The following HELB variants were observed in gnomAD, a reference collection of about 807,000 sequenced individuals.
HELB encodes DNA 5'-3' helicase B.
In HELB, 96 loss-of-function variants were observed where a neutral mutation model predicts 101.7. The observed-to-expected ratio is 0.94, with a 90% CI of 0.80 to 1.12. The LOEUF (loss-of-function observed/expected upper bound fraction) is 1.12. HELB is among the 50% of genes most tolerant of loss of function. HELB has a pLI of 0.00. For missense variants in HELB, 1,210 were observed against 1,291.9 expected (o/e 0.94, Z 0.97); for synonymous variants, 437 against 459.7 (o/e 0.95, Z 0.63).
At chr12:66,318,886 G>T in intron 7 of HELB, 94 bp downstream of exon 7, 1 of 934,380 alleles carries the variant, frequency 1.1e-6, no homozygotes, top group South Asian at 1.7e-5. Context: ...TTTCTTTAAT[G>T]GTAAAGAGAA....
intron 3 of HELB, among the ~76,000 whole-genome samples, chr12:66,308,663 A>G (rs2053506249): frequency 6.6e-6 from 1 of 152,138 alleles, no homozygotes; most frequent in Admixed American, 6.6e-5. Flanking sequence ...ATCTCTTATT[A>G]GTTCTTCACA....
downstream of HELB, chr12:66,342,935 A>G (rs191222303): frequency 1.3e-3 from 204 of 151,830 alleles, no homozygotes; most frequent in African/African-American, 4.7e-3. Flanking sequence ...ACCTCAGATG[A>G]TCCGCTTACC....
Position 66,325,069 on chromosome 12 carries a change from A to C in HELB, c.2613A>C (p.Lys871Asn), listed in dbSNP as rs1323632361. Residue 871 changes from lysine to asparagine, a missense_variant, in exon 11 of 13, where the codon AAA becomes AAC. Transcript: ENST00000247815. ...AGLEVTVDFKKLMKYCRIKHA... is the reference protein window; with the variant it reads ...AGLEVTVDFKNLMKYCRIKHA... Reference sequence around the variant, plus strand: ...TGGAAGTAACTGTGGATTTTAAGAAACTAATGAAATATTGTCGCATAAAAC... The same window carrying C: ...TGGAAGTAACTGTGGATTTTAAGAACCTAATGAAATATTGTCGCATAAAAC... 8.1e-6 allele frequency: 13 copies of C among 1,613,750 alleles called. No individual in the cohort carries two copies. Among genetic ancestry groups the C allele is most frequent in the African/African-American group, 1.3e-5 (1 of 74,938 alleles).
At chr12:66,340,174 A>C (rs1008386092), downstream of HELB, 1 of 152,178 alleles carries the variant, frequency 6.6e-6, no homozygotes, top group Non-Finnish European at 1.5e-5. Context: ...CTCTATGTTT[A>C]ACATTTTGAG....
chr12:66,327,566 G>GT (rs56256301), intron 11 of HELB, among the ~76,000 whole-genome samples: 26,401 of 128,924 alleles, frequency 0.2, 2,815 homozygotes, highest in Middle Eastern at 0.28. Flanking sequence ...ATATCTTTCT[G>GT]GTTATTTCAT....
At chr12:66,313,644 C>T (rs2053567901) in intron 4 of HELB, among the ~76,000 whole-genome samples, 1 of 151,976 alleles carries the variant, frequency 6.6e-6, no homozygotes, top group African/African-American at 2.4e-5. Context: ...GCTTTTATTC[C>T]AGAATGGAGT....
chr12:66,321,522 T>C (rs1025393237), intron 7 of HELB: 2 of 167,488 alleles, frequency 1.2e-5, no homozygotes, highest in Non-Finnish European at 2.6e-5. Flanking sequence ...TTAAGTGATA[T>C]AACATATAAG....
intron 10 of HELB, 116 bp from the exon 11 acceptor site, chr12:66,324,867 A>G (rs1276494596): frequency 5.5e-6 from 7 of 1,274,868 alleles, no homozygotes; most frequent in Admixed American, 5.5e-5. Flanking sequence ...GAAATTCTTA[A>G]TGGTAATTGT....
chr12:66,331,273 T>C lies in HELB; in HGVS notation c.2790T>C (p.Ser930=), dbSNP rs1007404226. 2 of 1,614,104 alleles carry C rather than the reference T, an allele frequency of 1.2e-6. No homozygotes were observed. The highest frequency in any genetic ancestry group is 2.2e-5 in the East Asian group (1 of 44,898). The change falls in exon 12 of 13, where the codon TCT becomes TCC. Residue 930 remains serine, a synonymous_variant. Transcript: ENST00000247815. The part of the protein sequence containing the change: ...RCRVYVIAEE[S]QLRNAIMKNS... ...GAGTGTATGTGATTGCAGAGGAGTCTCAGCTCCGGAATGCCATTATGAAAA... is the reference window on the plus strand; with the variant it reads ...GAGTGTATGTGATTGCAGAGGAGTCCCAGCTCCGGAATGCCATTATGAAAA...
intron 10 of HELB, 104 bp from the exon 11 acceptor site, chr12:66,324,879 A>G (rs759775325): frequency 7.1e-7 from 1 of 1,404,032 alleles, no homozygotes; most frequent in Non-Finnish European, 1.0e-6. Flanking sequence ...GGTAATTGTA[A>G]TTCTTATATT....
downstream of HELB, chr12:66,341,831 T>G (rs1374266282): frequency 6.6e-6 from 1 of 152,212 alleles, no homozygotes; most frequent in Non-Finnish European, 1.5e-5. Context: ...TTCTGCCACC[T>G]TGTAAAGAAG....
intron 12 of HELB, among the ~76,000 whole-genome samples, chr12:66,334,752 C>A (rs145807432): frequency 0.023 from 3,473 of 152,082 alleles, 69 homozygotes; most frequent in Non-Finnish European, 0.038. Context: ...GCATTCCAGC[C>A]TGGGCGACAG....
intron 10 of HELB, chr12:66,324,489 TAATAA>T (rs1353702886): frequency 3.2e-6 from 1 of 310,532 alleles, no homozygotes; most frequent in African/African-American, 2.1e-5. Context: ...GAAACATTTT[TAATAA>T]AATCGAAGTA....
chr12:66,313,972 T>C lies in HELB; in HGVS notation c.1681-14T>C. 6.2e-7 allele frequency: 1 copy of C among 1,612,200 alleles called. No homozygotes were observed. The highest frequency in any genetic ancestry group is 1.3e-5 in the African/African-American group (1 of 74,994). Reference sequence around the variant, plus strand: ...TTATAACCTGACTTTAGGAATGCCATACTTTGCTTGTAGGTCAATTATAGC... The same window carrying C: ...TTATAACCTGACTTTAGGAATGCCACACTTTGCTTGTAGGTCAATTATAGC... On this transcript the variant is annotated splice_polypyrimidine_tract_variant and intron_variant, in intron 4 of 12. Transcript: ENST00000247815.
At chr12:66,305,748 A>T (rs2053468048) in intron 2 of HELB, among the ~76,000 whole-genome samples, 1 of 18,778 alleles carries the variant, frequency 5.3e-5, no homozygotes, top group East Asian at 5.4e-4. Context: ...GTCTCAGTTA[A>T]AAAAAAAAAA....
At position 66,306,404 on chromosome 12, in the gene HELB, G is replaced by T. The variant is rs747014610; in HGVS notation, c.667G>T (p.Val223Phe). 8 of 1,608,984 alleles carry T rather than the reference G, an allele frequency of 5.0e-6. No homozygotes were observed. Among genetic ancestry groups the T allele is most frequent in the Non-Finnish European group, 6.8e-6 (8 of 1,177,602 alleles). ...QFPKIMEFLP[V>F]LLPRHFKWII... ...TCCGAAGATAATGGAATTCCTTCCA[G>T]TTCTTCTGCCTCGACACTTTAAATG... The change falls in exon 3 of 13, where the codon GTT becomes TTT. Residue 223 changes from valine (V) to phenylalanine (F), a missense_variant. By Grantham distance (50) the Val-to-Phe change is conservative. Around this residue, in one of 2 missense-constraint regions of HELB, gnomAD observed 470 missense variants for 563.1 expected, o/e 0.83. Coordinates refer to ENST00000247815, the MANE Select transcript of HELB (RefSeq NM_001370285.1).
chr12:66,328,581 G>C lies in HELB; in HGVS notation c.2671-2573G>C, dbSNP rs1286034733. Among the ~76,000 whole-genome samples the C allele has an allele frequency of 2.0e-5, 3 of 152,046 alleles. 1 individual carries two copies. The East Asian group carries it at 5.8e-4, about 29-fold the overall frequency. On this transcript the variant is annotated intron_variant, in intron 11 of 12. Coordinates refer to ENST00000247815, the MANE Select transcript of HELB (RefSeq NM_001370285.1). ...CAAATAAACAAAACAAAAGTTACTA[G>C]ATACAGTCATTGGAAAACTTCTGTA... is the stretch of plus-strand genomic sequence containing the variant.
chr12:66,318,603 A>G (rs1295668953), intron 6 of HELB, 35 bp from the exon 7 acceptor site: 1 of 1,558,432 alleles, frequency 6.4e-7, no homozygotes, highest in Admixed American at 2.2e-5. Flanking sequence ...TTGGATGATA[A>G]TGTTCTTTGT....
rs2053415084 is a variant in HELB at position 66,302,552 on chromosome 12, A to G, written c.-52A>G. Reference sequence around the variant, plus strand: ...TAGAACTGATTGGCTGATCATGACCATGCAGTTAGCCAGGGTTTTCCCGAG... The same window carrying G: ...TAGAACTGATTGGCTGATCATGACCGTGCAGTTAGCCAGGGTTTTCCCGAG... On this transcript the variant is annotated 5_prime_UTR_variant, in exon 1 of 13. It removes an upstream start codon present in the reference 5' UTR. Transcript: ENST00000247815. 3.2e-6 allele frequency: 5 copies of G among 1,549,630 alleles called. No homozygotes were observed. The East Asian group carries it at 6.8e-5, about 21-fold the overall frequency.
Sources: allele counts gnomAD v4.1 joint callset (sites outside exome capture counted in the v4.1 genomes callset), GRCh38; gene constraint gnomAD v4.1.1; regional missense constraint gnomAD v4.1.1; transcripts MANE v1.5; gene names NCBI Gene and HGNC (gene_info 2026-07-23, HGNC 2026-07-21).